The following GRIN2B variants were observed in gnomAD, a reference collection of about 807,000 sequenced individuals.
GRIN2B encodes glutamate receptor ionotropic, NMDA 2B.
GRIN2B carries 5 observed loss-of-function variants against 114.5 expected under a neutral mutation model. The ratio of observed to expected loss-of-function variants is 0.04; its 90% CI spans 0.02 to 0.09. GRIN2B has a LOEUF of 0.09. GRIN2B is among the 10% of genes least tolerant of loss of function. The probability of loss-of-function intolerance (pLI) is 1.00; values close to 1 mark genes in which losing one functional copy is unlikely to be tolerated. For missense variants in GRIN2B, 1,108 were observed against 1,943.5 expected (o/e 0.57, Z 8.08); for synonymous variants, 787 against 745.1 (o/e 1.06, Z -0.92).
chr12:13,922,832 C>T (rs1591623296), intron 2 of GRIN2B, among the ~76,000 whole-genome samples: 1 of 152,178 alleles, frequency 6.6e-6, no homozygotes, highest in Non-Finnish European at 1.5e-5. Flanking sequence ...TGTCAAACAA[C>T]ATGCCCCAAC....
intron 4 of GRIN2B, among the ~76,000 whole-genome samples, chr12:13,713,105 G>A (rs1296824842): frequency 6.6e-6 from 1 of 151,822 alleles, no homozygotes; most frequent in Non-Finnish European, 1.5e-5. Context: ...TAATTTTAAA[G>A]AGTGTAATAC....
At chr12:13,890,178 A>T (rs1866234893) in intron 2 of GRIN2B, among the ~76,000 whole-genome samples, 1 of 152,152 alleles carries the variant, frequency 6.6e-6, no homozygotes, top group South Asian at 2.1e-4. Context: ...TTCAACACAG[A>T]TGAAGAATGG....
chr12:13,777,973 A>G (rs1187946078), intron 3 of GRIN2B, among the ~76,000 whole-genome samples: 1 of 152,194 alleles, frequency 6.6e-6, no homozygotes, highest in East Asian at 1.9e-4. Flanking sequence ...TTGAAATTCA[A>G]AGTCAAGCCT....
intron 4 of GRIN2B, among the ~76,000 whole-genome samples, chr12:13,705,355 G>A (rs1950350578): frequency 6.6e-6 from 1 of 152,142 alleles, no homozygotes; most frequent in Admixed American, 6.6e-5. Flanking sequence ...AGAGACACTA[G>A]AGGAAATAAT....
At chr12:13,668,301 G>A (rs896677029) in intron 5 of GRIN2B, among the ~76,000 whole-genome samples, 12 of 152,158 alleles carry the variant, frequency 7.9e-5, no homozygotes, top group Admixed American at 2.0e-4. Context: ...GACAAGCACT[G>A]GAAGGCAACC....
intron 2 of GRIN2B, among the ~76,000 whole-genome samples, chr12:13,870,357 T>A (rs1277123653): frequency 6.6e-6 from 1 of 151,632 alleles, no homozygotes; most frequent in Non-Finnish European, 1.5e-5. Flanking sequence ...GATTAGAGAG[T>A]TGACTGTTCA....
intron 2 of GRIN2B, among the ~76,000 whole-genome samples, chr12:13,925,172 C>T (rs1287428411): frequency 6.6e-6 from 1 of 152,210 alleles, no homozygotes. Flanking sequence ...GCACTGACCT[C>T]CACTTAGCCT....
At chr12:13,662,955 G>A (rs1949938580) in intron 5 of GRIN2B, among the ~76,000 whole-genome samples, 1 of 152,168 alleles carries the variant, frequency 6.6e-6, no homozygotes, top group South Asian at 2.1e-4. Flanking sequence ...TTCTCCTTGT[G>A]AAAAGGAAAT....
chr12:13,973,590 C>A (rs776631956), intron 2 of GRIN2B, among the ~76,000 whole-genome samples: 1 of 152,160 alleles, frequency 6.6e-6, no homozygotes, highest in African/African-American at 2.4e-5. Flanking sequence ...ACCCTGGGCA[C>A]AGCCTCATCA....
In GRIN2B at chr12:13,784,223, C is replaced by CAAA. The variant is rs56197649; in HGVS notation, c.412-30311_412-30309dup. Among the ~76,000 whole-genome samples, 66 of 71,904 alleles carry CAAA rather than the reference C, an allele frequency of 9.2e-4. 2 individuals are homozygous for CAAA. The highest frequency in any genetic ancestry group is 3.7e-3 in the African/African-American group (63 of 17,034). The allele number at this position is 71,904 out of a possible 152,430, so 47.2% of individuals were successfully genotyped here. A position where few individuals can be genotyped will look rare whatever the true frequency, so the allele number is the denominator to read the frequency against. ...TGGGCAACAGAGTGAGACTTCGCCTCAAAAAAAAAAAAAAAAAAAAAAAAA... is the reference window on the plus strand; with the variant it reads ...TGGGCAACAGAGTGAGACTTCGCCTCAAAAAAAAAAAAAAAAAAAAAAAAAAAA... On this transcript the variant is annotated intron_variant, in intron 3 of 13. Coordinates refer to ENST00000609686, the MANE Select transcript of GRIN2B (RefSeq NM_000834.5).
chr12:13,795,959 C>G (rs1864412237), intron 3 of GRIN2B, among the ~76,000 whole-genome samples: 1 of 151,554 alleles, frequency 6.6e-6, no homozygotes, highest in Non-Finnish European at 1.5e-5. Flanking sequence ...GGAGGGATAA[C>G]ATTAGGAGAA....
At chr12:13,836,011 G>A (rs1865256956) in intron 3 of GRIN2B, among the ~76,000 whole-genome samples, 1 of 152,180 alleles carries the variant, frequency 6.6e-6, no homozygotes, top group Non-Finnish European at 1.5e-5. Context: ...CCAAGGCCCA[G>A]CCATTCTTCA....
chr12:13,889,181 C>A (rs1159467669), intron 2 of GRIN2B, among the ~76,000 whole-genome samples: 5 of 152,092 alleles, frequency 3.3e-5, no homozygotes, highest in African/African-American at 1.2e-4. Context: ...TAGTTCTACA[C>A]AGAATCAAAA....
chr12:13,661,650 A>G (rs538628032), intron 5 of GRIN2B, among the ~76,000 whole-genome samples: 20 of 152,296 alleles, frequency 1.3e-4, no homozygotes, highest in African/African-American at 4.6e-4. Context: ...AGGAGTTGCA[A>G]ACTCCAGTGT....
chr12:13,789,477 C>A (rs1236301593), intron 3 of GRIN2B, among the ~76,000 whole-genome samples: 1 of 152,156 alleles, frequency 6.6e-6, no homozygotes, highest in African/African-American at 2.4e-5. Context: ...TCACAAGAGA[C>A]CCTAAAAGGA....
At chr12:13,808,604 G>C (rs908389669) in intron 3 of GRIN2B, among the ~76,000 whole-genome samples, 11 of 151,300 alleles carry the variant, frequency 7.3e-5, no homozygotes, top group African/African-American at 2.7e-4. Context: ...TGGGGTGGGG[G>C]AAGGGGGGAG....
chr12:13,724,590 A>C (rs1401884832), intron 4 of GRIN2B, among the ~76,000 whole-genome samples: 1 of 152,112 alleles, frequency 6.6e-6, no homozygotes, highest in Non-Finnish European at 1.5e-5. Flanking sequence ...GTTAAAATGG[A>C]AGTATTAATT....
intron 13 of GRIN2B, 100 bp downstream of exon 13, chr12:13,566,925 A>C: frequency 1.2e-6 from 1 of 835,112 alleles, no homozygotes; most frequent in Non-Finnish European, 2.1e-6. Flanking sequence ...CTTGAGCAAC[A>C]TGGGGGTGGA....
chr12:13,830,638 A>T lies in GRIN2B; in HGVS notation c.411+35160T>A, dbSNP rs547094151. 7.2e-5 allele frequency among the ~76,000 whole-genome samples: 11 copies of T among 152,332 alleles called. No homozygotes were observed. In the East Asian group the frequency reaches 2.1e-3, roughly 29 times the overall value. ...CACACAAAATATGTATCTGTTCTAT[A>T]TTACATTTTATATATATGTACACCC... On this transcript the variant is annotated intron_variant, in intron 3 of 13. Transcript: ENST00000609686.
Sources: allele counts gnomAD v4.1 joint callset (sites outside exome capture counted in the v4.1 genomes callset), GRCh38; gene constraint gnomAD v4.1.1; transcripts MANE v1.5; gene names NCBI Gene and HGNC (gene_info 2026-07-23, HGNC 2026-07-21).